Variants in FADS3 observed in about 807,000 individuals in gnomAD.
The protein encoded by FADS3 is fatty acid desaturase 3.
Under a neutral mutation model 60.4 loss-of-function variants are expected in FADS3, and 30 were observed. The ratio of observed to expected loss-of-function variants is 0.50; its 90% CI spans 0.37 to 0.67. FADS3 has a LOEUF of 0.67. FADS3 is among the 30% of genes least tolerant of loss of function. FADS3 has a pLI of 0.00. For missense variants in FADS3, 432 were observed against 598.3 expected (o/e 0.72, Z 2.90); for synonymous variants, 234 against 249.3 (o/e 0.94, Z 0.58).
At chr11:61,882,798 C>T (rs1938182337) in intron 1 of FADS3, among the ~76,000 whole-genome samples, 1 of 152,100 alleles carries the variant, frequency 6.6e-6, no homozygotes, top group Non-Finnish European at 1.5e-5. Context: ...GGCATGATCT[C>T]GGCTTACTGC....
chr11:61,886,249 CACT>C (rs1440240446), intron 1 of FADS3: 1 of 152,354 alleles, frequency 6.6e-6, no homozygotes, highest in Non-Finnish European at 1.5e-5. Flanking sequence ...CTCTCTCCAC[CACT>C]GACCTCTGGC....
At chr11:61,880,199 G>C in intron 1 of FADS3, 48 bp from the exon 2 acceptor site, 2 of 1,485,134 alleles carry the variant, frequency 1.3e-6, no homozygotes, top group Non-Finnish European at 1.9e-6. Flanking sequence ...CAGCTGAGTA[G>C]CACAGCGGCA....
chr11:61,880,307 C>T (rs1359691308), intron 1 of FADS3, 156 bp from the exon 2 acceptor site: 3 of 598,410 alleles, frequency 5.0e-6, no homozygotes, highest in African/African-American at 1.9e-5. Flanking sequence ...AAGACATGGG[C>T]CCTCCCTGGT....
rs174465 is a variant in FADS3, at chr11:61,891,328, C to T, written c.54G>A (p.Ala18=). ...GPREGPAQPG[A]PLPTFCWEQI... is the part of the protein sequence containing the mutation. ...GCTCCCAGCAGAAGGTGGGCAGCGG[C>T]GCCCCCGGCTGCGCGGGTCCCTCCC... The change falls in exon 1 of 12, where the codon GCG becomes GCA. Residue 18 remains alanine (A), a synonymous_variant. Coordinates refer to ENST00000278829, the MANE Select transcript of FADS3 (RefSeq NM_021727.5). The T allele has an allele frequency of 0.64, 977,056 of 1,515,172 alleles. 326,934 individuals are homozygous for T. The highest frequency in any genetic ancestry group is 0.69 in the Non-Finnish European group (779,096 of 1,134,528). 93.9% of individuals were successfully genotyped at this position (1,515,172 alleles called of 1,614,324 possible).
At chr11:61,891,618 C>T (rs1938523468), upstream of FADS3, 1 of 173,616 alleles carries the variant, frequency 5.8e-6, no homozygotes, top group Non-Finnish European at 1.2e-5. Context: ...CCCCCGCCCC[C>T]GGCCAGGCCC....
intron 1 of FADS3, among the ~76,000 whole-genome samples, chr11:61,884,796 G>A (rs372022811): frequency 2.0e-4 from 30 of 152,298 alleles, no homozygotes; most frequent in African/African-American, 6.7e-4. Context: ...AGCGGCACTC[G>A]ACGTCTCTCA....
intron 1 of FADS3, 176 bp from the exon 2 acceptor site, chr11:61,880,327 G>A (rs1378525269): frequency 1.9e-6 from 1 of 527,774 alleles, no homozygotes; most frequent in South Asian, 2.6e-5. Context: ...TCCTCCCAGG[G>A]CCCCAGGTTG....
rs1937945672 is a variant in FADS3 at position 61,877,426 on chromosome 11, G to C, written c.885+85C>G. ...TTGCACGCACATGTGCACCCTGTTT[G>C]CCTTCATGGGCAGGTACTGTCCCCC... On this transcript the variant is annotated intron_variant, in intron 7 of 11. Transcript: ENST00000278829. This position sits in a 1 kb window ranked among gnomAD's most constrained non-coding sequence, Gnocchi z 4.7. 4.7e-6 allele frequency: 6 copies of C among 1,275,482 alleles called. No individual in the cohort carries two copies. 79.0% of individuals were successfully genotyped at this position (1,275,482 alleles called of 1,614,324 possible).
chr11:61,874,662 G>A (rs1937802025), intron 11 of FADS3, among the ~76,000 whole-genome samples: 1 of 152,160 alleles, frequency 6.6e-6, no homozygotes. Flanking sequence ...CCATGAGCTT[G>A]GCATTCAGGG....
At chr11:61,878,277 A>C (rs1460377228) in intron 5 of FADS3, 62 bp from the exon 6 acceptor site, 1 of 1,555,972 alleles carries the variant, frequency 6.4e-7, no homozygotes, top group Admixed American at 1.7e-5. Flanking sequence ...CTCCCGGGCA[A>C]GGTCACGGGG....
chr11:61,889,884 G>C (rs1344316619), intron 1 of FADS3, among the ~76,000 whole-genome samples: 2 of 152,190 alleles, frequency 1.3e-5, no homozygotes, highest in Non-Finnish European at 2.9e-5. Flanking sequence ...AAAAAGACCA[G>C]AGCAGGCATC....
chr11:61,874,409 G>C (rs1937792838), intron 11 of FADS3, among the ~76,000 whole-genome samples: 2 of 152,212 alleles, frequency 1.3e-5, no homozygotes, highest in Non-Finnish European at 2.9e-5. Flanking sequence ...CCAAGTAAGG[G>C]GAACAGCGTG....
chr11:61,878,244 G>A (rs370400244), intron 5 of FADS3, 29 bp from the exon 6 acceptor site: 257 of 1,609,250 alleles, frequency 1.6e-4, no homozygotes, highest in Non-Finnish European at 2.0e-4. Flanking sequence ...GCTGGAGACA[G>A]CAGCTCTCCA....
chr11:61,881,310 G>A (rs1190160583), intron 1 of FADS3: 2 of 152,258 alleles, frequency 1.3e-5, no homozygotes, highest in Admixed American at 6.5e-5. Flanking sequence ...ATAAGGGCCA[G>A]GGAAAGAGAC....
intron 1 of FADS3, among the ~76,000 whole-genome samples, chr11:61,886,787 C>A (rs914538536): frequency 6.6e-6 from 1 of 152,210 alleles, no homozygotes. Flanking sequence ...CATCTAAACC[C>A]CTCAGAACAG....
Position 61,878,730 on chromosome 11 carries a change from C to G in FADS3, c.624+16G>C. ...GCGCCACCCAGCACCTGGCTGACCACCCACCCCACCCTCACCTTTAGCTGC... is the reference window on the plus strand; with the variant it reads ...GCGCCACCCAGCACCTGGCTGACCAGCCACCCCACCCTCACCTTTAGCTGC... On this transcript the variant is annotated intron_variant, in intron 4 of 11. Transcript: ENST00000278829. The G allele has an allele frequency of 6.2e-7, 1 of 1,613,200 alleles. No homozygotes were observed. The highest frequency in any genetic ancestry group is 8.5e-7 in the Non-Finnish European group (1 of 1,179,390).
At chr11:61,890,627 G>A (rs145747072) in intron 1 of FADS3, among the ~76,000 whole-genome samples, 1,538 of 152,284 alleles carry the variant, frequency 0.01, 35 homozygotes, top group African/African-American at 0.035. Flanking sequence ...GCTTCCAGGA[G>A]AGGCCCACCC....
chr11:61,879,119 T>G (rs1320139849), intron 3 of FADS3, among the ~76,000 whole-genome samples, 193 bp downstream of exon 3: 1 of 152,236 alleles, frequency 6.6e-6, no homozygotes, highest in African/African-American at 2.4e-5. Flanking sequence ...TCTTGGCTCA[T>G]CTGGAATGCA....
At chr11:61,883,813 C>T (rs1938218975) in intron 1 of FADS3, among the ~76,000 whole-genome samples, 1 of 151,502 alleles carries the variant, frequency 6.6e-6, no homozygotes, top group African/African-American at 2.4e-5. Context: ...ACCAAGCCTG[C>T]CCCAGGGCCT....
Sources: gnomAD v4.1 joint callset for allele counts (sites outside exome capture counted in the v4.1 genomes callset) on GRCh38, gnomAD v4.1.1 for gene constraint, Gnocchi (gnomAD v3.1) non-coding constraint, MANE v1.5 for transcripts, NCBI Gene and HGNC (gene_info 2026-07-23, HGNC 2026-07-21) for gene names.